AKIRIN2: variants seen among roughly 807,000 people sequenced by gnomAD.
The protein encoded by AKIRIN2 is akirin-2.
AKIRIN2 carries 6 observed loss-of-function variants against 29.3 expected under a neutral mutation model. That is an observed-to-expected ratio of 0.20 (90% CI 0.11 to 0.40). The LOEUF (loss-of-function observed/expected upper bound fraction) is 0.40, where lower values mean the gene tolerates loss of function less well. AKIRIN2 is among the 10% of genes least tolerant of loss of function. The pLI is 1.00. For missense variants in AKIRIN2, 210 were observed against 276.1 expected (o/e 0.76, Z 1.70); for synonymous variants, 128 against 117.5 (o/e 1.09, Z -0.58).
At chr6:87,676,809 G>T (rs577820267) in intron 3 of AKIRIN2, among the ~76,000 whole-genome samples, 4 of 151,008 alleles carry the variant, frequency 2.6e-5, no homozygotes, top group African/African-American at 7.3e-5. Flanking sequence ...GGGCATGGTG[G>T]CTTACGCCTG....
rs368101310 is a variant in AKIRIN2 at position 87,677,073 on chromosome 6, G to A, written c.529+745C>T. On this transcript the variant is annotated intron_variant, in intron 3 of 4. Transcript: ENST00000257787. ...GCCTTGGGTGACAGAGTGAGACTCC[G>A]TCTCAGGAAAAAAAAAAAAAAAAAT... Among the ~76,000 whole-genome samples, 8 of 147,078 alleles carry A rather than the reference G, an allele frequency of 5.4e-5. No homozygotes were observed. In the South Asian group the frequency reaches 6.4e-4, roughly 12 times the overall value.
intron 1 of AKIRIN2, among the ~76,000 whole-genome samples, chr6:87,689,401 C>T (rs1771241555): frequency 6.6e-6 from 1 of 152,056 alleles, no homozygotes; most frequent in Admixed American, 6.6e-5. Flanking sequence ...TCGCTTAAAC[C>T]TCGGAGGCAG....
Position 87,675,847 on chromosome 6 carries a change from G to T in AKIRIN2, c.601+13C>A. 1.2e-6 allele frequency: 2 copies of T among 1,609,880 alleles called. No homozygotes were observed. The highest frequency in any genetic ancestry group is 1.7e-6 in the Non-Finnish European group (2 of 1,177,708). Reference sequence around the variant, plus strand: ...TTATTTTCAGTTTATAACTTCAAAGGTGAAATACTTACAGCTAGCAGGCTG... The same window carrying T: ...TTATTTTCAGTTTATAACTTCAAAGTTGAAATACTTACAGCTAGCAGGCTG... On this transcript the variant is annotated intron_variant, in intron 4 of 4. Coordinates refer to ENST00000257787, the MANE Select transcript of AKIRIN2 (RefSeq NM_018064.4).
At chr6:87,696,899 AG>A (rs1484242072) in intron 1 of AKIRIN2, among the ~76,000 whole-genome samples, 1 of 148,636 alleles carries the variant, frequency 6.7e-6, no homozygotes, top group Non-Finnish European at 1.5e-5. Context: ...CCGGCTACTC[AG>A]GAGGCTGAGG....
chr6:87,679,421 G>A (rs932106191), intron 2 of AKIRIN2, among the ~76,000 whole-genome samples: 1 of 149,516 alleles, frequency 6.7e-6, no homozygotes, highest in Non-Finnish European at 1.5e-5. Flanking sequence ...CTACAGGCTA[G>A]GCTGAGGTGG....
chr6:87,685,219 G>A (rs1011166131), intron 1 of AKIRIN2, among the ~76,000 whole-genome samples: 4 of 152,298 alleles, frequency 2.6e-5, no homozygotes, highest in South Asian at 2.1e-4. Flanking sequence ...GATCTCAACT[G>A]CACAAGTAGC....
intron 2 of AKIRIN2, among the ~76,000 whole-genome samples, chr6:87,681,151 C>A (rs1309937480): frequency 1.3e-5 from 2 of 152,098 alleles, no homozygotes; most frequent in Non-Finnish European, 2.9e-5. Context: ...GATTCTCATG[C>A]CTCAGGCTCC....
At chr6:87,679,137 G>GA (rs34554650) in intron 2 of AKIRIN2, among the ~76,000 whole-genome samples, 35,152 of 83,964 alleles carry the variant, frequency 0.42, 5,156 homozygotes, top group African/African-American at 0.49. Context: ...CTTCATCTCA[G>GA]AAAAAAAAAA....
intron 1 of AKIRIN2, 38 bp from the exon 2 acceptor site, chr6:87,681,801 T>G (rs1771126617): frequency 2.7e-6 from 4 of 1,494,530 alleles, no homozygotes; most frequent in East Asian, 2.3e-5. Context: ...AGATAAAAAC[T>G]TTCACATTAA....
Position 87,701,581 on chromosome 6 carries a change from G to A in AKIRIN2, c.104C>T (p.Ser35Leu), listed in dbSNP as rs376830344. ...CGCCGACAACGGGGAGGCAGCGGCC[G>A]AGGTGGGCGCCGACAATGGCGCACA... ...RRCAPLSAPTSAAASPLSAAA... is the reference protein window; with the variant it reads ...RRCAPLSAPTLAAASPLSAAA... The change falls in exon 1 of 5, where the codon TCG becomes TTG. Residue 35 changes from serine to leucine, a missense_variant. Coordinates refer to ENST00000257787, the MANE Select transcript of AKIRIN2 (RefSeq NM_018064.4). 5 of 1,425,054 alleles carry A rather than the reference G, an allele frequency of 3.5e-6. No homozygotes were observed. Among genetic ancestry groups the A allele is most frequent in the Admixed American group, 3.2e-5 (1 of 30,934 alleles). The allele number at this position is 1,425,054 out of a possible 1,614,324, so 88.3% of individuals were successfully genotyped here.
chr6:87,694,819 T>C (rs938969024), intron 1 of AKIRIN2, among the ~76,000 whole-genome samples: 15 of 152,160 alleles, frequency 9.9e-5, no homozygotes, highest in African/African-American at 3.1e-4. Flanking sequence ...ACAAGAAATA[T>C]TACAAAAATT....
intron 1 of AKIRIN2, among the ~76,000 whole-genome samples, chr6:87,688,034 A>G (rs1470736803): frequency 6.6e-6 from 1 of 152,136 alleles, no homozygotes; most frequent in Admixed American, 6.5e-5. Flanking sequence ...TGGCAAAATG[A>G]GGTAGAAAGA....
At chr6:87,685,879 G>C (rs1771178285) in intron 1 of AKIRIN2, among the ~76,000 whole-genome samples, 1 of 152,188 alleles carries the variant, frequency 6.6e-6, no homozygotes, top group Admixed American at 6.5e-5. Context: ...CAGGTAGGCA[G>C]TATCAACAGG....
intron 1 of AKIRIN2, chr6:87,700,816 G>A (rs1485145972): frequency 6.5e-6 from 1 of 154,698 alleles, no homozygotes; most frequent in Non-Finnish European, 1.5e-5. Context: ...TACAGTACTC[G>A]GGAAGAGCAT....
chr6:87,699,552 TGAA>T (rs1248851182), intron 1 of AKIRIN2, among the ~76,000 whole-genome samples: 1 of 152,108 alleles, frequency 6.6e-6, no homozygotes, highest in East Asian at 1.9e-4. Context: ...AAAAACACCT[TGAA>T]GAAAATAGCA....
At chr6:87,690,324 G>C (rs1771259054) in intron 1 of AKIRIN2, among the ~76,000 whole-genome samples, 1 of 152,004 alleles carries the variant, frequency 6.6e-6, no homozygotes, top group South Asian at 2.1e-4. Flanking sequence ...GACATTAGCA[G>C]CAAGGTTATT....
intron 1 of AKIRIN2, among the ~76,000 whole-genome samples, chr6:87,694,481 T>C (rs1771328126): frequency 1.3e-5 from 2 of 152,180 alleles, no homozygotes; most frequent in African/African-American, 4.8e-5. Context: ...GCCTAGCCAG[T>C]GCAGTATCTA....
intron 4 of AKIRIN2, 52 bp from the exon 5 acceptor site, chr6:87,675,659 C>T (rs373274645): frequency 1.2e-5 from 20 of 1,603,908 alleles, no homozygotes; most frequent in Admixed American, 1.7e-5. Flanking sequence ...AAAATCCAAA[C>T]GAATACTAGA....
At chr6:87,700,710 C>T (rs1771446402) in intron 1 of AKIRIN2, 1 of 153,156 alleles carries the variant, frequency 6.5e-6, no homozygotes, top group Non-Finnish European at 1.5e-5. Context: ...TAAAACATTT[C>T]CAAATAAAAG....
Sources: allele counts gnomAD v4.1 joint callset (sites outside exome capture counted in the v4.1 genomes callset), GRCh38; gene constraint gnomAD v4.1.1; transcripts MANE v1.5; gene names NCBI Gene and HGNC (gene_info 2026-07-23, HGNC 2026-07-21).